PELI2: variants seen among roughly 807,000 people sequenced by gnomAD.
PELI2 encodes the protein pellino E3 ubiquitin protein ligase family member 2, also known as E3 ubiquitin-protein ligase pellino homolog 2.
PELI2 carries 23 observed loss-of-function variants against 42.3 expected under a neutral mutation model. The ratio of observed to expected loss-of-function variants is 0.54; its 90% CI spans 0.39 to 0.77. PELI2 has a LOEUF of 0.77. Among genes scored for constraint, PELI2 ranks in the 30% least tolerant of loss-of-function variants. The probability of loss-of-function intolerance (pLI) is 0.00; values close to 1 mark genes in which losing one functional copy is unlikely to be tolerated. For synonymous variants in PELI2, 245 were observed against 212.2 expected, an observed-to-expected ratio of 1.15 and a Z score of -1.34; for missense variants, 463 against 553.2, an observed-to-expected ratio of 0.84 and a Z score of 1.64.
chr14:56,292,343 C>T (rs866049528), intron 5 of PELI2, among the ~76,000 whole-genome samples: 12 of 152,176 alleles, frequency 7.9e-5, no homozygotes, highest in African/African-American at 2.7e-4. Flanking sequence ...CCTGCAATCT[C>T]CTCTTGTTAA....
Position 56,297,431 on chromosome 14 carries a change from C to T in PELI2, c.*265C>T. On this transcript the variant is annotated 3_prime_UTR_variant, in exon 6 of 6. Transcript: ENST00000267460. ...TAATAATTGGATTTAAAATGCTATG[C>T]TTCTATTTTTAACCTTGGGTTTTTA... The T allele has an allele frequency of 1.2e-5, 4 of 346,910 alleles. No homozygotes were observed. The highest frequency in any genetic ancestry group is 4.3e-5 in the Admixed American group (1 of 23,036). The allele number at this position is 346,910 out of a possible 1,614,324, so 21.5% of individuals were successfully genotyped here. A position where few individuals can be genotyped will look rare whatever the true frequency, so the allele number is the denominator to read the frequency against.
At position 56,288,643 on chromosome 14, in the gene PELI2, T is replaced by G; in HGVS notation, c.507+9T>G. ...AAAACATATTTCTTGGAGTAAGTAC[T>G]GTCAAGAAGTACACGATTTCTAGAA... is the stretch of plus-strand genomic sequence containing the variant. On this transcript the variant is annotated intron_variant, in intron 4 of 5. Coordinates refer to ENST00000267460, the MANE Select transcript of PELI2 (RefSeq NM_021255.3). This position sits in a 1 kb window ranked among gnomAD's most constrained non-coding sequence, Gnocchi z 4.6. 1.9e-6 allele frequency: 3 copies of G among 1,586,058 alleles called. No homozygotes were observed. The highest frequency in any genetic ancestry group is 2.6e-6 in the Non-Finnish European group (3 of 1,156,868).
intron 2 of PELI2, among the ~76,000 whole-genome samples, chr14:56,209,948 A>C (rs1886655483): frequency 6.6e-6 from 1 of 152,246 alleles, no homozygotes; most frequent in African/African-American, 2.4e-5. Context: ...AAAGAGTTGA[A>C]GTTAAACCCA....
chr14:56,182,964 G>A (rs755647408), intron 2 of PELI2, among the ~76,000 whole-genome samples: 4 of 151,954 alleles, frequency 2.6e-5, no homozygotes, highest in Non-Finnish European at 5.9e-5. Context: ...CTGGGGCCTC[G>A]GTGCTTCGGG....
intron 2 of PELI2, among the ~76,000 whole-genome samples, chr14:56,182,794 G>C (rs1373848296): frequency 6.6e-6 from 1 of 152,148 alleles, no homozygotes; most frequent in Non-Finnish European, 1.5e-5. Flanking sequence ...ACCGTGAGAA[G>C]TGGTAAAACT....
At chr14:56,177,921 G>A (rs1048465873) in intron 1 of PELI2, among the ~76,000 whole-genome samples, 1 of 152,062 alleles carries the variant, frequency 6.6e-6, no homozygotes. Flanking sequence ...TGAGAGATGA[G>A]GTTTAATTAG....
At chr14:56,254,449 T>G (rs191017175) in intron 2 of PELI2, among the ~76,000 whole-genome samples, 1 of 150,218 alleles carries the variant, frequency 6.7e-6, no homozygotes, top group African/African-American at 2.4e-5. Context: ...TGCAGAAAGC[T>G]GAAACTGGAC....
chr14:56,225,359 G>A (rs3783673), intron 2 of PELI2, among the ~76,000 whole-genome samples: 24,879 of 152,044 alleles, frequency 0.16, 2,596 homozygotes, highest in Non-Finnish European at 0.24. Context: ...TGAGTACAGC[G>A]TGTGAAAGAG....
At chr14:56,196,176 G>T (rs1886124806) in intron 2 of PELI2, among the ~76,000 whole-genome samples, 1 of 152,196 alleles carries the variant, frequency 6.6e-6, no homozygotes. Context: ...CTACAGAGAA[G>T]AGATTCCCTA....
chr14:56,257,345 C>T (rs917643200), intron 2 of PELI2, among the ~76,000 whole-genome samples: 1 of 152,010 alleles, frequency 6.6e-6, no homozygotes, highest in Non-Finnish European at 1.5e-5. Flanking sequence ...CTTGTAAATG[C>T]TCTGAAGAAA....
chr14:56,125,438 G>A lies in PELI2; in HGVS notation c.77+6701G>A, dbSNP rs142874310. 3.1e-3 allele frequency among the ~76,000 whole-genome samples: 475 copies of A among 152,132 alleles called. 2 individuals are homozygous for A. Among genetic ancestry groups the A allele is most frequent in the South Asian group, 7.1e-3 (34 of 4,822 alleles). On this transcript the variant is annotated intron_variant, in intron 1 of 5. Transcript: ENST00000267460. ...GGCAGGGGGGGGGTGAATTGGCAGG[G>A]TGAAATGCTAGGGATAAGGTAGTGG... is the stretch of plus-strand genomic sequence containing the variant.
At chr14:56,171,638 G>C (rs2139656322) in intron 1 of PELI2, among the ~76,000 whole-genome samples, 1 of 152,330 alleles carries the variant, frequency 6.6e-6, no homozygotes, top group Non-Finnish European at 1.5e-5. Context: ...CTAGGAGGCA[G>C]ATGGGCCAGA....
chr14:56,255,459 G>A (rs1354989058), intron 2 of PELI2, among the ~76,000 whole-genome samples: 1 of 152,094 alleles, frequency 6.6e-6, no homozygotes, highest in East Asian at 1.9e-4. Flanking sequence ...ACACAGGGAG[G>A]GAAACATCAT....
intron 1 of PELI2, among the ~76,000 whole-genome samples, chr14:56,146,576 T>G (rs1194463264): frequency 6.6e-6 from 1 of 152,120 alleles, no homozygotes; most frequent in Non-Finnish European, 1.5e-5. Context: ...CAGGTTGACA[T>G]GTAAAGGAGA....
chr14:56,242,143 G>A (rs958592056), intron 2 of PELI2, among the ~76,000 whole-genome samples: 1 of 152,318 alleles, frequency 6.6e-6, no homozygotes, highest in Admixed American at 6.5e-5. Flanking sequence ...CATGGGTTCT[G>A]TACAGAGGAT....
In PELI2 at chr14:56,273,727, A is replaced by T. The variant is rs114060826; in HGVS notation, c.208-5949A>T. On this transcript the variant is annotated intron_variant, in intron 2 of 5. Coordinates refer to ENST00000267460, the MANE Select transcript of PELI2 (RefSeq NM_021255.3). This position sits in a 1 kb window ranked among gnomAD's most constrained non-coding sequence, Gnocchi z 4.3. ...GCTCAGGGGTGACATGAAGTTTTTA[A>T]GTGTGAGTGACTGTTGTGCTATTGA... Among the ~76,000 whole-genome samples the T allele has an allele frequency of 0.016, 2,377 of 152,318 alleles. 70 individuals are homozygous for T. The highest frequency in any genetic ancestry group is 0.054 in the African/African-American group (2,248 of 41,568).
At chr14:56,163,141 A>C (rs1169563689) in intron 1 of PELI2, among the ~76,000 whole-genome samples, 3 of 152,156 alleles carry the variant, frequency 2.0e-5, no homozygotes, top group Non-Finnish European at 4.4e-5. Context: ...TTATTCAGGA[A>C]ATTTTTGACT....
At chr14:56,124,830 A>C (rs242388) in intron 1 of PELI2, among the ~76,000 whole-genome samples, 114,450 of 152,070 alleles carry the variant, frequency 0.75, 43,718 homozygotes, top group East Asian at 0.88. Context: ...TAGAGATGAA[A>C]ACGTGCAGCT....
chr14:56,241,038 T>A (rs968145810), intron 2 of PELI2, among the ~76,000 whole-genome samples: 5 of 152,080 alleles, frequency 3.3e-5, no homozygotes, highest in African/African-American at 1.2e-4. Flanking sequence ...ATCTTGACAG[T>A]CTCCCCTTGC....
Sources: allele counts gnomAD v4.1 joint callset (sites outside exome capture counted in the v4.1 genomes callset), GRCh38; gene constraint gnomAD v4.1.1; non-coding constraint Gnocchi (gnomAD v3.1); transcripts MANE v1.5; gene names NCBI Gene and HGNC (gene_info 2026-07-23, HGNC 2026-07-21).